Variants in PLCE1 observed in about 807,000 individuals in gnomAD.
PLCE1 encodes the protein 1-phosphatidylinositol 4,5-bisphosphate phosphodiesterase epsilon-1.
A neutral mutation model predicts 242.8 loss-of-function variants in PLCE1; 119 were observed. The observed-to-expected ratio is 0.49, with a 90% CI of 0.42 to 0.57. The LOEUF (loss-of-function observed/expected upper bound fraction) is 0.57. PLCE1 is among the 20% of genes least tolerant of loss of function. PLCE1 has a pLI of 0.00. For synonymous variants in PLCE1, 945 were observed against 1,017.4 expected (o/e 0.93, Z 1.35); for missense variants, 2,441 against 2,788.8 (o/e 0.88, Z 2.81).
chr10:94,116,680 G>A (rs970298532), intron 2 of PLCE1, among the ~76,000 whole-genome samples: 4 of 152,110 alleles, frequency 2.6e-5, no homozygotes, highest in Admixed American at 6.5e-5. Context: ...GGGCGAAAGA[G>A]TGAGACTCTG....
At chr10:94,246,680 G>C in intron 8 of PLCE1, 59 bp downstream of exon 8, 4 of 1,489,212 alleles carry the variant, frequency 2.7e-6, no homozygotes, top group Non-Finnish European at 3.7e-6. Flanking sequence ...GCACACACTG[G>C]GTGACCAGAC....
chr10:94,329,776 C>CAAAAAAAAAAAAAAAAAAAAAAA lies in PLCE1; in HGVS notation c.*1846_*1868dup, dbSNP rs71031569. 1 of 37,950 alleles carries CAAAAAAAAAAAAAAAAAAAAAAA rather than the reference C, an allele frequency of 2.6e-5. No individual in the cohort carries two copies. The highest frequency in any genetic ancestry group is 4.6e-5 in the Non-Finnish European group (1 of 21,878). The allele number at this position is 37,950 out of a possible 1,614,324, so 2.4% of individuals were successfully genotyped here. ...CTGGTGACAGAGCGAGACTCCGTCT[C>CAAAAAAAAAAAAAAAAAAAAAAA]AAAAAAAAAAAAAAAAAAAAAAAAA... On this transcript the variant is annotated 3_prime_UTR_variant, in exon 33 of 33. Transcript: ENST00000371380.
At chr10:94,105,838 C>G (rs1386636658) in intron 2 of PLCE1, 3 of 152,110 alleles carry the variant, frequency 2.0e-5, no homozygotes, top group Admixed American at 6.6e-5. Flanking sequence ...CCAAATAGCT[C>G]TTTTTTAAGG....
chr10:94,328,157 G>A lies in PLCE1; in HGVS notation c.*214G>A, dbSNP rs1159511346. 1 of 305,290 alleles carries A rather than the reference G, an allele frequency of 3.3e-6. No individual in the cohort carries two copies. The highest frequency in any genetic ancestry group is 7.0e-6 in the Non-Finnish European group (1 of 143,332). The allele number at this position is 305,290 out of a possible 1,614,324, so 18.9% of individuals were successfully genotyped here. A position where few individuals can be genotyped will look rare whatever the true frequency, so the allele number is the denominator to read the frequency against. On this transcript the variant is annotated 3_prime_UTR_variant, in exon 33 of 33. Coordinates refer to ENST00000371380, the MANE Select transcript of PLCE1 (RefSeq NM_016341.4). The stretch of plus-strand genomic sequence containing the variant: ...CCAATTTACTGATGAATGAAGCCCA[G>A]GGGACTGCCATTTTATAAATGTCAG...
intron 2 of PLCE1, among the ~76,000 whole-genome samples, chr10:94,057,211 T>A (rs902282124): frequency 1.3e-5 from 2 of 152,214 alleles, no homozygotes; most frequent in Non-Finnish European, 2.9e-5. Context: ...CCATGTTTAA[T>A]ATTTTGAGAA....
chr10:94,055,366 G>A (rs1212872591), intron 2 of PLCE1, among the ~76,000 whole-genome samples: 1 of 150,504 alleles, frequency 6.6e-6, no homozygotes, highest in Non-Finnish European at 1.5e-5. Context: ...ACTAGAGTGT[G>A]GTGGTGCGAT....
intron 2 of PLCE1, among the ~76,000 whole-genome samples, chr10:94,037,028 A>T (rs2061677991): frequency 6.6e-6 from 1 of 152,248 alleles, no homozygotes; most frequent in Non-Finnish European, 1.5e-5. Context: ...GAATAAAAAA[A>T]TTTTACATCA....
chr10:94,290,008 A>G (rs900824393), intron 22 of PLCE1, among the ~76,000 whole-genome samples: 2 of 152,056 alleles, frequency 1.3e-5, no homozygotes, highest in Non-Finnish European at 2.9e-5. Flanking sequence ...CTGTATAAAA[A>G]TGTTTTCTTT....
chr10:94,279,176 T>C, intron 19 of PLCE1: 1 of 157,980 alleles, frequency 6.3e-6, no homozygotes, highest in Non-Finnish European at 1.4e-5. Context: ...CACTTCACAG[T>C]AATTCCAGTA....
intron 4 of PLCE1, among the ~76,000 whole-genome samples, chr10:94,191,880 T>C (rs1590216421): frequency 6.6e-6 from 1 of 152,206 alleles, no homozygotes; most frequent in South Asian, 2.1e-4. Context: ...ACACAGAGCC[T>C]GGCTGCCCAG....
rs33974566 is a variant in PLCE1 at position 94,110,058 on chromosome 10, CT to C, written c.1207-22094del. The stretch of plus-strand genomic sequence containing the variant: ...AGACCCTTTCCTTTTTTTCTTTTTT[CT>C]TTTTTTTTTTTTTTTTTTTTTGAGA... On this transcript the variant is annotated intron_variant, in intron 2 of 32. Coordinates refer to ENST00000371380, the MANE Select transcript of PLCE1 (RefSeq NM_016341.4). Among the ~76,000 whole-genome samples the C allele has an allele frequency of 9.0e-4, 68 of 75,886 alleles. No homozygotes were observed. The East Asian group carries it at 0.011, about 12-fold the overall frequency. 49.8% of individuals were successfully genotyped at this position (75,886 alleles called of 152,430 possible).
intron 2 of PLCE1, among the ~76,000 whole-genome samples, chr10:94,130,223 C>G (rs2046556618): frequency 6.6e-6 from 1 of 152,112 alleles, no homozygotes; most frequent in Non-Finnish European, 1.5e-5. Flanking sequence ...CCCCATTTGC[C>G]CTCACAGTAC....
chr10:94,316,568 A>G lies in PLCE1; in HGVS notation c.6154A>G (p.Ile2052Val), dbSNP rs773139035. The change falls in exon 29 of 33, where the codon ATC becomes GTC. Residue 2052 changes from isoleucine (I) to valine (V), a missense_variant. Around this residue, in one of 5 missense-constraint regions of PLCE1, gnomAD observed 310 missense variants for 317.2 expected, o/e 0.98. Coordinates refer to ENST00000371380, the MANE Select transcript of PLCE1 (RefSeq NM_016341.4). ...TTAGATTCTGACAAATGAACAAGAC[A>G]TCAAACCTGTTACCACAGACTATTT... ...LQQILTNEQD[I>V]KPVTTDYFLM... The G allele has an allele frequency of 6.2e-7, 1 of 1,608,148 alleles. No homozygotes were observed. Among genetic ancestry groups the G allele is most frequent in the Non-Finnish European group, 8.5e-7 (1 of 1,176,030 alleles).
intron 1 of PLCE1, among the ~76,000 whole-genome samples, chr10:94,027,485 T>A (rs2061470612): frequency 6.6e-6 from 1 of 152,212 alleles, no homozygotes; most frequent in Non-Finnish European, 1.5e-5. Context: ...TGCTTCGATG[T>A]CTGTGTATAT....
chr10:94,051,444 C>G (rs4918044), intron 2 of PLCE1, among the ~76,000 whole-genome samples: 4 of 151,830 alleles, frequency 2.6e-5, no homozygotes, highest in Non-Finnish European at 5.9e-5. Flanking sequence ...GCTTCATCAT[C>G]GAAGCTCATT....
At chr10:94,092,345 T>C (rs1392214178) in intron 2 of PLCE1, among the ~76,000 whole-genome samples, 1 of 152,222 alleles carries the variant, frequency 6.6e-6, no homozygotes, top group Non-Finnish European at 1.5e-5. Flanking sequence ...GCTAAACACT[T>C]TCTTTGTGGC....
At chr10:94,245,852 G>A in intron 7 of PLCE1, 94 bp from the exon 8 acceptor site, 1 of 949,744 alleles carries the variant, frequency 1.1e-6, no homozygotes, top group East Asian at 2.4e-5. Context: ...AATTCATAGT[G>A]CGATGAAAAA....
chr10:94,160,482 T>A (rs1314616367), intron 3 of PLCE1, among the ~76,000 whole-genome samples: 10 of 152,222 alleles, frequency 6.6e-5, no homozygotes, highest in Admixed American at 1.3e-4. Context: ...TTTTTTCTTG[T>A]AAATTTGTTT....
Position 94,265,789 on chromosome 10 carries a change from C to T in PLCE1, c.4116-4C>T. Reference sequence around the variant, plus strand: ...GCAGTCTTAAGAAAATTTGTTTCACCTAGGTTTCTGATGGATAAAGAAAAT... The same window carrying T: ...GCAGTCTTAAGAAAATTTGTTTCACTTAGGTTTCTGATGGATAAAGAAAAT... On this transcript the variant is annotated splice_polypyrimidine_tract_variant and splice_region_variant and intron_variant, in intron 15 of 32. Transcript: ENST00000371380. The T allele has an allele frequency of 1.2e-6, 2 of 1,613,938 alleles. No individual in the cohort carries two copies. The highest frequency in any genetic ancestry group is 1.7e-6 in the Non-Finnish European group (2 of 1,179,956).
Sources: allele counts gnomAD v4.1 joint callset (sites outside exome capture counted in the v4.1 genomes callset), GRCh38; gene constraint gnomAD v4.1.1; regional missense constraint gnomAD v4.1.1; transcripts MANE v1.5; gene names NCBI Gene and HGNC (gene_info 2026-07-23, HGNC 2026-07-21).